Variants in PHC3 observed in about 807,000 individuals in gnomAD.
PHC3 encodes the protein polyhomeotic-like protein 3.
PHC3 carries 13 observed loss-of-function variants against 107.4 expected under a neutral mutation model. That is an observed-to-expected ratio of 0.12 (90% CI 0.08 to 0.19). The LOEUF is 0.19. PHC3 is among the 10% of genes least tolerant of loss of function. PHC3 has a pLI of 1.00. For synonymous variants in PHC3, 456 were observed against 427.4 expected (o/e 1.07, Z -0.83); for missense variants, 992 against 1,210.9 (o/e 0.82, Z 2.68).
intron 2 of PHC3, among the ~76,000 whole-genome samples, chr3:170,178,344 C>T (rs1047459355): frequency 6.6e-6 from 1 of 151,660 alleles, no homozygotes; most frequent in Non-Finnish European, 1.5e-5. Context: ...GGGGTTTCAC[C>T]GTGGTCTCGA....
chr3:170,167,928 T>G (rs1728976227), intron 4 of PHC3, among the ~76,000 whole-genome samples: 1 of 151,816 alleles, frequency 6.6e-6, no homozygotes, highest in African/African-American at 2.4e-5. Context: ...GACCTGTGGT[T>G]GGAGGATCAC....
intron 8 of PHC3, among the ~76,000 whole-genome samples, chr3:170,126,528 A>ATATATATATATATATATATATATT (rs370421296): frequency 2.2e-5 from 2 of 90,618 alleles, no homozygotes; most frequent in African/African-American, 9.0e-5. Flanking sequence ...ATATATATAT[A>ATATATATATATATATATATATATT]TTTTTTTTTT....
At chr3:170,166,819 C>T (rs1728814213) in intron 4 of PHC3, among the ~76,000 whole-genome samples, 1 of 152,072 alleles carries the variant, frequency 6.6e-6, no homozygotes, top group South Asian at 2.1e-4. Context: ...CACACACCAC[C>T]ACACCTGGCT....
At chr3:170,179,703 T>C (rs1210588236) in intron 1 of PHC3, among the ~76,000 whole-genome samples, 2 of 152,208 alleles carry the variant, frequency 1.3e-5, no homozygotes, top group African/African-American at 2.4e-5. Flanking sequence ...ATACCAGACT[T>C]TCTTCCCTCC....
intron 2 of PHC3, among the ~76,000 whole-genome samples, chr3:170,177,170 T>C (rs760627578): frequency 2.0e-5 from 3 of 152,174 alleles, no homozygotes; most frequent in Non-Finnish European, 4.4e-5. Context: ...CTTCGTAACA[T>C]ATCTACATAC....
Position 170,178,834 on chromosome 3 carries a change from G to A in PHC3, c.119C>T (p.Ser40Phe), listed in dbSNP as rs369432496. ...STTTTTITTS[S>F]SRMQQPQISV... ...GATCTGTGGCTGCTGCATTCGAGAG[G>A]AGGAAGTGGTGATGGTGGTGGTGGT... is the stretch of plus-strand genomic sequence containing the variant. The change falls in exon 2 of 15, where the codon TCC (serine) becomes TTC (phenylalanine). Residue 40 changes from serine (S) to phenylalanine (F), a missense_variant. Ser to Phe is a radical substitution (Grantham distance 155). Transcript: ENST00000495893. The A allele has an allele frequency of 1.9e-6, 3 of 1,614,026 alleles. No individual in the cohort carries two copies. Among genetic ancestry groups the A allele is most frequent in the East Asian group, 2.2e-5 (1 of 44,892 alleles).
intron 4 of PHC3, chr3:170,150,531 T>TAAAAAAAAAAAAAAAAAAAAAAAA (rs1168514834): frequency 2.6e-5 from 2 of 77,104 alleles, no homozygotes; most frequent in African/African-American, 5.3e-5. Context: ...CTGTCTCTAC[T>TAAAAAAAAAAAAAAAAAAAAAAAA]AAAAAAAAAA....
chr3:170,132,616 C>G (rs915082994), intron 7 of PHC3, among the ~76,000 whole-genome samples: 1 of 152,204 alleles, frequency 6.6e-6, no homozygotes, highest in African/African-American at 2.4e-5. Flanking sequence ...CATCTGCAAG[C>G]CAGGAAGTGA....
Position 170,128,992 on chromosome 3 carries a change from C to A in PHC3, c.1480G>T (p.Val494Phe). Residue 494 changes from valine to phenylalanine, a missense_variant, in exon 8 of 15, where the codon GTC becomes TTC. By Grantham distance (50) the Val-to-Phe change is conservative (BLOSUM62 -1). This residue lies in a region of PHC3 where 543 missense variants were observed against 590.8 expected (regional missense o/e 0.92). Coordinates refer to ENST00000495893, the MANE Select transcript of PHC3 (RefSeq NM_024947.4). ...GAATATTGCTGGTGTGATGGAGAGA[C>A]AATCTGCTGGCCTGGGGATACCAAG... ...SALVSPGQQI[V>F]SPSHQQYSSL... is the part of the protein sequence containing the mutation. 1 of 1,613,866 alleles carries A rather than the reference C, an allele frequency of 6.2e-7. No individual in the cohort carries two copies. Among genetic ancestry groups the A allele is most frequent in the Non-Finnish European group, 8.5e-7 (1 of 1,179,832 alleles).
chr3:170,161,650 A>G (rs1727914135), intron 4 of PHC3, among the ~76,000 whole-genome samples: 1 of 152,172 alleles, frequency 6.6e-6, no homozygotes, highest in South Asian at 2.1e-4. Flanking sequence ...ACAAAGCAGT[A>G]CCGTTCCATG....
At chr3:170,146,399 A>T (rs1470714774) in intron 5 of PHC3, among the ~76,000 whole-genome samples, 4 of 151,664 alleles carry the variant, frequency 2.6e-5, no homozygotes. Context: ...AAAAGAAAGA[A>T]AGATTCATTC....
chr3:170,161,592 C>T (rs961345470), intron 4 of PHC3, among the ~76,000 whole-genome samples: 1 of 152,240 alleles, frequency 6.6e-6, no homozygotes, highest in Non-Finnish European at 1.5e-5. Flanking sequence ...ATAATGCTTG[C>T]TCACTCACCA....
At position 170,128,729 on chromosome 3, in the gene PHC3, C is replaced by T. The variant is rs775537002; in HGVS notation, c.1743G>A (p.Ala581=). Residue 581 remains alanine (A), a synonymous_variant, in exon 8 of 15, where the codon GCG becomes GCA. Coordinates refer to ENST00000495893, the MANE Select transcript of PHC3 (RefSeq NM_024947.4). ...FQTLPPPQTV[A]VNLQVQPPAP... Reference sequence around the variant, plus strand: ...CTGGTGGTTGCACTTGTAGGTTTACCGCAACAGTCTGTGGAGGAGGAAGAG... The same window carrying T: ...CTGGTGGTTGCACTTGTAGGTTTACTGCAACAGTCTGTGGAGGAGGAAGAG... The T allele has an allele frequency of 6.8e-6, 11 of 1,613,942 alleles. No homozygotes were observed. Among genetic ancestry groups the T allele is most frequent in the South Asian group, 3.3e-5 (3 of 91,084 alleles).
rs1713850081 is a variant in PHC3 at position 170,089,496 on chromosome 3, G to GGAT, written c.*7731_*7733dup. 1 of 152,140 alleles carries GGAT rather than the reference G, an allele frequency of 6.6e-6. No homozygotes were observed. The highest frequency in any genetic ancestry group is 1.5e-5 in the Non-Finnish European group (1 of 68,036). The allele number at this position is 152,140 out of a possible 1,614,324, so 9.4% of individuals were successfully genotyped here. On this transcript the variant is annotated 3_prime_UTR_variant, in exon 15 of 15. Transcript: ENST00000495893. ...TGATTCTTACATATCTTTAAAAGTT[G>GGAT]GATATTTGTAATAGCTTAAAGTACA... is the stretch of plus-strand genomic sequence containing the variant.
chr3:170,163,805 G>A (rs1047916578), intron 4 of PHC3, among the ~76,000 whole-genome samples: 2 of 147,662 alleles, frequency 1.4e-5, no homozygotes, highest in African/African-American at 5.1e-5. Context: ...GGAGGTTGCA[G>A]TGAGCTGAGA....
At position 170,095,009 on chromosome 3, in the gene PHC3, A is replaced by C. The variant is rs1714485594; in HGVS notation, c.*2221T>G. ...TGGAGCAGTCTATCCCCATATAATA[A>C]ATTTTGTATTAACCGTGGATAATCT... is the stretch of plus-strand genomic sequence containing the variant. On this transcript the variant is annotated 3_prime_UTR_variant, in exon 15 of 15. Coordinates refer to ENST00000495893, the MANE Select transcript of PHC3 (RefSeq NM_024947.4). The C allele has an allele frequency of 6.6e-6, 1 of 152,116 alleles. No individual in the cohort carries two copies. The highest frequency in any genetic ancestry group is 1.5e-5 in the Non-Finnish European group (1 of 68,018). The allele number at this position is 152,116 out of a possible 1,614,324, so 9.4% of individuals were successfully genotyped here. A position where few individuals can be genotyped will look rare whatever the true frequency, so the allele number is the denominator to read the frequency against.
chr3:170,166,173 T>C (rs961958366), intron 4 of PHC3, among the ~76,000 whole-genome samples: 1 of 151,788 alleles, frequency 6.6e-6, no homozygotes, highest in African/African-American at 2.4e-5. Flanking sequence ...GCTTCCCAAG[T>C]AGCTGGAATT....
intron 2 of PHC3, among the ~76,000 whole-genome samples, chr3:170,173,164 G>C (rs1361742932): frequency 6.6e-6 from 1 of 151,060 alleles, no homozygotes; most frequent in Admixed American, 6.6e-5. Context: ...CTGCACTCCA[G>C]CCTGGGCGAC....
At chr3:170,164,618 A>C (rs183761970) in intron 4 of PHC3, among the ~76,000 whole-genome samples, 3 of 152,328 alleles carry the variant, frequency 2.0e-5, no homozygotes, top group African/African-American at 7.2e-5. Context: ...CCCAAAAGGT[A>C]AAGGAAAAAA....
Sources: gnomAD v4.1 joint callset for allele counts (sites outside exome capture counted in the v4.1 genomes callset) on GRCh38, gnomAD v4.1.1 for gene constraint, gnomAD v4.1.1 regional missense constraint, MANE v1.5 for transcripts, NCBI Gene and HGNC (gene_info 2026-07-23, HGNC 2026-07-21) for gene names.